The following SPOCK1 variants were observed in gnomAD, a reference collection of about 807,000 sequenced individuals.
SPOCK1 encodes SPARC (osteonectin), cwcv and kazal like domains proteoglycan 1, also known as testican-1.
SPOCK1 carries 23 observed loss-of-function variants against 55.3 expected under a neutral mutation model. The observed-to-expected ratio is 0.42, with a 90% CI of 0.30 to 0.59. The LOEUF (loss-of-function observed/expected upper bound fraction) is 0.59. Ranked by LOEUF, SPOCK1 falls within the 20% of genes least tolerant of loss-of-function variation. The pLI, the probability that SPOCK1 is intolerant of heterozygous loss-of-function variation, is 0.22. For missense variants in SPOCK1, 499 were observed against 552.5 expected (o/e 0.90, Z 0.97); for synonymous variants, 226 against 221.0 (o/e 1.02, Z -0.20).
At chr5:137,407,915 C>A (rs1020204423) in intron 2 of SPOCK1, among the ~76,000 whole-genome samples, 1 of 152,178 alleles carries the variant, frequency 6.6e-6, no homozygotes. Context: ...CAGGGCCCTG[C>A]AGGGTCTATG....
chr5:137,277,169 C>G (rs1160388584), intron 2 of SPOCK1, among the ~76,000 whole-genome samples: 1 of 151,892 alleles, frequency 6.6e-6, no homozygotes, highest in Non-Finnish European at 1.5e-5. Flanking sequence ...TGTACACCAC[C>G]ATGCCCAGCT....
intron 2 of SPOCK1, among the ~76,000 whole-genome samples, chr5:137,464,886 C>T (rs1208715709): frequency 1.3e-5 from 2 of 152,054 alleles, no homozygotes; most frequent in Non-Finnish European, 2.9e-5. Flanking sequence ...ATTAAATTAT[C>T]CAGGAGAGAT....
intron 2 of SPOCK1, among the ~76,000 whole-genome samples, chr5:137,361,867 T>A (rs1025267558): frequency 1.3e-5 from 2 of 152,096 alleles, no homozygotes; most frequent in African/African-American, 4.8e-5. Context: ...TCTGGGTGAG[T>A]TCATGTTCCC....
intron 6 of SPOCK1, among the ~76,000 whole-genome samples, chr5:137,011,959 C>T (rs1411061612): frequency 6.6e-6 from 1 of 152,242 alleles, no homozygotes; most frequent in Non-Finnish European, 1.5e-5. Context: ...ATATATTAAA[C>T]ACCTACTCTT....
chr5:137,266,120 C>A (rs1185423445), intron 3 of SPOCK1, among the ~76,000 whole-genome samples: 1 of 152,156 alleles, frequency 6.6e-6, no homozygotes, highest in Non-Finnish European at 1.5e-5. Flanking sequence ...AAAGGAGCAC[C>A]TTCCTCCATG....
At chr5:137,192,776 A>G (rs1755209721) in intron 3 of SPOCK1, among the ~76,000 whole-genome samples, 1 of 152,254 alleles carries the variant, frequency 6.6e-6, no homozygotes, top group Admixed American at 6.5e-5. Flanking sequence ...CAACACGGAA[A>G]AACCTCAAGA....
chr5:137,397,416 G>A (rs962421463), intron 2 of SPOCK1, among the ~76,000 whole-genome samples: 8 of 152,168 alleles, frequency 5.3e-5, no homozygotes, highest in African/African-American at 1.9e-4. Context: ...GAGCTTTCCA[G>A]CTTTACCTTC....
chr5:137,195,097 T>C (rs1212196250), intron 3 of SPOCK1, among the ~76,000 whole-genome samples: 1 of 152,208 alleles, frequency 6.6e-6, no homozygotes, highest in African/African-American at 2.4e-5. Flanking sequence ...GGGTCATCCA[T>C]CACTTCTTTT....
chr5:137,458,476 G>A (rs932514101), intron 2 of SPOCK1, among the ~76,000 whole-genome samples: 2 of 152,190 alleles, frequency 1.3e-5, no homozygotes, highest in Non-Finnish European at 2.9e-5. Flanking sequence ...TTAGCCCCTA[G>A]ATGCCTTAAC....
chr5:137,380,095 C>G (rs142947342), intron 2 of SPOCK1, among the ~76,000 whole-genome samples: 1 of 152,136 alleles, frequency 6.6e-6, no homozygotes, highest in Non-Finnish European at 1.5e-5. Flanking sequence ...AACTCCAGAC[C>G]GACAGCTTGG....
intron 3 of SPOCK1, among the ~76,000 whole-genome samples, chr5:137,247,157 A>T (rs1322721436): frequency 1.3e-5 from 2 of 152,190 alleles, no homozygotes; most frequent in Non-Finnish European, 2.9e-5. Flanking sequence ...AGAGGCTATG[A>T]ACAAGGCATG....
chr5:137,207,839 G>A (rs1002874011), intron 3 of SPOCK1, among the ~76,000 whole-genome samples: 1 of 152,088 alleles, frequency 6.6e-6, no homozygotes, highest in African/African-American at 2.4e-5. Context: ...ATTGCCATTG[G>A]TTATTATTTT....
At chr5:137,356,854 G>T (rs1247914975) in intron 2 of SPOCK1, among the ~76,000 whole-genome samples, 4 of 105,782 alleles carry the variant, frequency 3.8e-5, no homozygotes, top group African/African-American at 7.6e-5. Flanking sequence ...GAGAGAGAGA[G>T]AGAGAGAGAG....
At chr5:137,269,614 C>T (rs982493965) in intron 2 of SPOCK1, among the ~76,000 whole-genome samples, 20 of 152,222 alleles carry the variant, frequency 1.3e-4, no homozygotes, top group Non-Finnish European at 1.5e-4. Flanking sequence ...AGGGCTTCCA[C>T]ACACGGTGAG....
chr5:137,445,799 A>G (rs1035621666), intron 2 of SPOCK1, among the ~76,000 whole-genome samples: 12 of 152,316 alleles, frequency 7.9e-5, no homozygotes, highest in Admixed American at 7.8e-4. Flanking sequence ...TATAAACGGT[A>G]TAGCCACTTC....
chr5:137,176,501 A>ACTGTGTGTGTGTGTGT (rs1754853719), intron 3 of SPOCK1, among the ~76,000 whole-genome samples: 1 of 54,000 alleles, frequency 1.9e-5, no homozygotes, highest in South Asian at 6.4e-4. Context: ...CCCCCACCAC[A>ACTGTGTGTGTGTGTGT]ATGTGTGTGT....
intron 2 of SPOCK1, among the ~76,000 whole-genome samples, chr5:137,295,111 C>T (rs996378971): frequency 2.0e-5 from 3 of 152,208 alleles, no homozygotes; most frequent in Non-Finnish European, 4.4e-5. Context: ...CATCCCAGCA[C>T]TTGACCCACG....
intron 2 of SPOCK1, among the ~76,000 whole-genome samples, chr5:137,379,881 G>A (rs1180625224): frequency 1.3e-5 from 2 of 152,124 alleles, no homozygotes; most frequent in African/African-American, 4.8e-5. Context: ...AGACCTTAGG[G>A]GTGCATTAAT....
At chr5:137,084,952 A>G (rs1282137396) in intron 5 of SPOCK1, among the ~76,000 whole-genome samples, 2 of 105,474 alleles carry the variant, frequency 1.9e-5, no homozygotes, top group Non-Finnish European at 4.2e-5. Context: ...ATTTATACAA[A>G]GCAAAAAAAA....
Sources: gnomAD v4.1 joint callset for allele counts (sites outside exome capture counted in the v4.1 genomes callset) on GRCh38, gnomAD v4.1.1 for gene constraint, MANE v1.5 for transcripts, NCBI Gene and HGNC (gene_info 2026-07-23, HGNC 2026-07-21) for gene names.